The following INSYN2B variants were observed in gnomAD, a reference collection of about 807,000 sequenced individuals.
The protein encoded by INSYN2B is protein INSYN2B.
In INSYN2B, 16 loss-of-function variants were observed where a neutral mutation model predicts 41.2. The ratio of observed to expected loss-of-function variants is 0.39; its 90% confidence interval spans 0.26 to 0.59. The LOEUF is 0.59. INSYN2B is among the 20% of genes least tolerant of loss of function. The pLI is 0.57. For missense variants in INSYN2B, 608 were observed against 646.4 expected (o/e 0.94, Z 0.64); for synonymous variants, 245 against 244.4 (o/e 1.00, Z -0.02).
intron 1 of INSYN2B, among the ~76,000 whole-genome samples, chr5:169,960,213 G>T (rs956329570): frequency 5.3e-5 from 8 of 152,216 alleles, no homozygotes; most frequent in African/African-American, 1.9e-4. Flanking sequence ...AGGAAATAAT[G>T]TAGTTCCTAC....
In INSYN2B at chr5:169,864,320, T is replaced by G; in HGVS notation, c.1561A>C (p.Arg521=). 6.4e-7 allele frequency: 1 copy of G among 1,551,630 alleles called. No homozygotes were observed. Among genetic ancestry groups the G allele is most frequent in the Non-Finnish European group, 8.7e-7 (1 of 1,146,940 alleles). Reference sequence around the variant, plus strand: ...TTTTTCACCTTCTTGGTTTTCCGCCTTAAGTCCTGCTTTTCCGGGGCTGGG... The same window carrying G: ...TTTTTCACCTTCTTGGTTTTCCGCCGTAAGTCCTGCTTTTCCGGGGCTGGG... ...EPPAPEKQDL[R]RKTKKVKKKC... The change falls in exon 4 of 4, where the codon AGG becomes CGG. Residue 521 remains arginine, a synonymous_variant. Transcript: ENST00000377365.
At chr5:169,868,456 A>C (rs1771733768) in intron 3 of INSYN2B, among the ~76,000 whole-genome samples, 1 of 152,172 alleles carries the variant, frequency 6.6e-6, no homozygotes, top group South Asian at 2.1e-4. Context: ...CAAGTGTCCT[A>C]ATACCTGTTT....
At chr5:169,866,661 G>A (rs1771581848) in intron 3 of INSYN2B, among the ~76,000 whole-genome samples, 1 of 152,216 alleles carries the variant, frequency 6.6e-6, no homozygotes, top group Non-Finnish European at 1.5e-5. Flanking sequence ...ATCAGTAGCT[G>A]TTAGAGACCT....
intron 3 of INSYN2B, among the ~76,000 whole-genome samples, chr5:169,867,991 C>T (rs1372851104): frequency 6.6e-6 from 1 of 152,200 alleles, no homozygotes; most frequent in East Asian, 1.9e-4. Context: ...TCACAATGCT[C>T]CTAGCTCCTG....
chr5:169,883,730 G>C lies in INSYN2B; in HGVS notation c.169C>G (p.Gln57Glu). 6.4e-7 allele frequency: 1 copy of C among 1,551,582 alleles called. No individual in the cohort carries two copies. The highest frequency in any genetic ancestry group is 8.7e-7 in the Non-Finnish European group (1 of 1,146,920). The change falls in exon 2 of 4, where the codon CAA (glutamine) becomes GAA (glutamate). Residue 57 changes from glutamine (Q) to glutamate (E), a missense_variant. Physicochemically the swap from Gln to Glu is conservative, Grantham distance 29. Coordinates refer to ENST00000377365, the MANE Select transcript of INSYN2B (RefSeq NM_001129891.3). ...ATCACAGCCGGGTCTTCTGGAGTTT[G>C]GACGTCAACCTCAGCTAGGCCAGTT... ...NPTGLAEVDVQTPEDPAVMGK... is the reference protein window; with the variant it reads ...NPTGLAEVDVETPEDPAVMGK...
chr5:169,929,818 T>C (rs1775660440), intron 1 of INSYN2B, among the ~76,000 whole-genome samples: 1 of 151,842 alleles, frequency 6.6e-6, no homozygotes, highest in South Asian at 2.1e-4. Flanking sequence ...CCTAGCACTT[T>C]CCTATAGACC....
chr5:169,917,948 C>G (rs1774964758), intron 1 of INSYN2B, among the ~76,000 whole-genome samples: 1 of 152,182 alleles, frequency 6.6e-6, no homozygotes. Context: ...TACAAACTAT[C>G]AAAACCAGGA....
At chr5:169,915,224 G>A (rs1774810934) in intron 1 of INSYN2B, among the ~76,000 whole-genome samples, 1 of 152,034 alleles carries the variant, frequency 6.6e-6, no homozygotes, top group Admixed American at 6.6e-5. Context: ...GAGAACTTTC[G>A]GGTAAAAGCA....
At position 169,918,486 on chromosome 5, in the gene INSYN2B, G is replaced by T. The variant is rs540795046; in HGVS notation, c.-918-33670C>A. ...GAACTACAGAATATTCATGCTGAGA[G>T]CATCATCTCACAGTTAAAAGACTGA... On this transcript the variant is annotated intron_variant, in intron 1 of 3. Coordinates refer to ENST00000377365, the MANE Select transcript of INSYN2B (RefSeq NM_001129891.3). Among the ~76,000 whole-genome samples the T allele has an allele frequency of 5.9e-5, 9 of 152,322 alleles. No homozygotes were observed. The East Asian group carries it at 1.7e-3, about 29-fold the overall frequency.
At chr5:169,912,386 G>GTT (rs1774645943) in intron 1 of INSYN2B, among the ~76,000 whole-genome samples, 1 of 152,050 alleles carries the variant, frequency 6.6e-6, no homozygotes, top group Non-Finnish European at 1.5e-5. Context: ...ATTGTCTATT[G>GTT]GCTTTCAGGA....
chr5:169,942,744 G>C (rs914932136), intron 1 of INSYN2B, among the ~76,000 whole-genome samples: 3 of 152,236 alleles, frequency 2.0e-5, no homozygotes, highest in East Asian at 3.9e-4. Context: ...AGACCACGAG[G>C]GTTCAGGAAA....
At chr5:169,874,176 G>A (rs915272747) in intron 3 of INSYN2B, among the ~76,000 whole-genome samples, 1 of 152,146 alleles carries the variant, frequency 6.6e-6, no homozygotes, top group African/African-American at 2.4e-5. Flanking sequence ...ACTTTGGGAG[G>A]CCAAGGTCAG....
chr5:169,904,359 A>AT (rs1458005788), intron 1 of INSYN2B, among the ~76,000 whole-genome samples: 1 of 152,064 alleles, frequency 6.6e-6, no homozygotes, highest in East Asian at 1.9e-4. Flanking sequence ...GATGTGTTGT[A>AT]TTTTTTAAAG....
chr5:169,906,623 A>C (rs1774296847), intron 1 of INSYN2B, among the ~76,000 whole-genome samples: 1 of 152,132 alleles, frequency 6.6e-6, no homozygotes. Context: ...TGAGCCACCC[A>C]TGCCTGGCCA....
At chr5:169,958,376 G>A (rs1270298038) in intron 1 of INSYN2B, among the ~76,000 whole-genome samples, 1 of 152,128 alleles carries the variant, frequency 6.6e-6, no homozygotes, top group Non-Finnish European at 1.5e-5. Context: ...GGTGGGAAAA[G>A]CAAGAGGAGG....
intron 1 of INSYN2B, among the ~76,000 whole-genome samples, chr5:169,911,514 C>A (rs1774598286): frequency 6.6e-6 from 1 of 152,174 alleles, no homozygotes; most frequent in South Asian, 2.1e-4. Context: ...CTGTTTATTA[C>A]CTGCTGGTGA....
At chr5:169,978,283 G>A (rs917924752) in intron 1 of INSYN2B, among the ~76,000 whole-genome samples, 2 of 147,178 alleles carry the variant, frequency 1.4e-5, no homozygotes, top group Non-Finnish European at 3.0e-5. Context: ...CATGCCCCTC[G>A]CCCCTATTTT....
At chr5:169,963,439 A>C (rs746160669) in intron 1 of INSYN2B, among the ~76,000 whole-genome samples, 76 of 152,110 alleles carry the variant, frequency 5.0e-4, no homozygotes, top group Non-Finnish European at 8.1e-4. Flanking sequence ...TATGCTTAGC[A>C]GTGCATTCAT....
chr5:169,918,295 T>C (rs536127940), intron 1 of INSYN2B, among the ~76,000 whole-genome samples: 2 of 152,314 alleles, frequency 1.3e-5, no homozygotes, highest in East Asian at 3.9e-4. Flanking sequence ...AATGTTGTGG[T>C]TTGAGTAATA....
Sources: allele counts gnomAD v4.1 joint callset (sites outside exome capture counted in the v4.1 genomes callset), GRCh38; gene constraint gnomAD v4.1.1; transcripts MANE v1.5; gene names NCBI Gene and HGNC (gene_info 2026-07-23, HGNC 2026-07-21).